JMJD1C: variants seen among roughly 807,000 people sequenced by gnomAD.
JMJD1C encodes the protein jumonji domain containing 1C, also known as jumonji domain-containing protein 1C.
Under a neutral mutation model 245.3 loss-of-function variants are expected in JMJD1C, and 31 were observed. The observed-to-expected ratio is 0.13, with a 90% CI of 0.09 to 0.17. The LOEUF is 0.17. Ranked by LOEUF, JMJD1C falls within the 10% of genes least tolerant of loss-of-function variation. The pLI is 1.00. For synonymous variants in JMJD1C, 1,057 were observed against 1,017.4 expected (o/e 1.04, Z -0.74); for missense variants, 2,691 against 3,000.2 (o/e 0.90, Z 2.41).
chr10:63,338,301 A>T (rs1943035512), intron 2 of JMJD1C, among the ~76,000 whole-genome samples: 1 of 151,988 alleles, frequency 6.6e-6, no homozygotes, highest in Admixed American at 6.6e-5. Flanking sequence ...TGCCCAGCTT[A>T]TTTAAAAAAT....
At chr10:63,449,835 G>A (rs1419411843) in intron 1 of JMJD1C, among the ~76,000 whole-genome samples, 1 of 152,054 alleles carries the variant, frequency 6.6e-6, no homozygotes, top group Non-Finnish European at 1.5e-5. Context: ...GCAAAGTTAG[G>A]CCAGGTGTGA....
intron 18 of JMJD1C, among the ~76,000 whole-genome samples, chr10:63,188,073 C>A (rs763575083): frequency 4.6e-5 from 7 of 152,152 alleles, no homozygotes; most frequent in Non-Finnish European, 1.0e-4. Context: ...CTTCACTTAA[C>A]CTCTAAGGAA....
At chr10:63,240,382 A>C (rs757060125) in intron 3 of JMJD1C, among the ~76,000 whole-genome samples, 4 of 152,250 alleles carry the variant, frequency 2.6e-5, no homozygotes, top group African/African-American at 4.8e-5. Context: ...GTATCAGAGT[A>C]GCAACAGGAA....
At chr10:63,401,734 G>GT (rs1948869380) in intron 1 of JMJD1C, among the ~76,000 whole-genome samples, 1 of 152,042 alleles carries the variant, frequency 6.6e-6, no homozygotes, top group South Asian at 2.1e-4. Context: ...ACTAAAATTC[G>GT]TATGTGGAAA....
intron 2 of JMJD1C, among the ~76,000 whole-genome samples, chr10:63,379,515 T>A (rs976054080): frequency 3.3e-5 from 5 of 152,220 alleles, no homozygotes; most frequent in African/African-American, 1.2e-4. Flanking sequence ...ATGAAACATG[T>A]CCTGATAAGT....
Position 63,313,571 on chromosome 10 carries a change from T to A in JMJD1C, c.334-48807A>T, listed in dbSNP as rs552954891. ...TACATTCCCACCAGCGGTGTAAGAA[T>A]GTTCCCTTTCCATCACATCTGCACC... On this transcript the variant is annotated intron_variant, in intron 2 of 25. Coordinates refer to ENST00000399262, the MANE Select transcript of JMJD1C (RefSeq NM_032776.3). Among the ~76,000 whole-genome samples the A allele has an allele frequency of 2.0e-5, 3 of 152,356 alleles. No individual in the cohort carries two copies. The South Asian group carries it at 6.2e-4, about 32-fold the overall frequency.
chr10:63,328,357 G>C (rs1392379836), intron 2 of JMJD1C, among the ~76,000 whole-genome samples: 1 of 152,024 alleles, frequency 6.6e-6, no homozygotes. Context: ...AATTTGAGAG[G>C]ATTAGGGGAA....
rs979491644 is a variant in JMJD1C at position 63,234,512 on chromosome 10, A to G, written c.448-14529T>C. 8.7e-5 allele frequency among the ~76,000 whole-genome samples: 13 copies of G among 149,972 alleles called. 1 individual carries two copies. The highest frequency in any genetic ancestry group is 4.4e-5 in the Non-Finnish European group (3 of 67,544). On this transcript the variant is annotated intron_variant, in intron 3 of 25. Transcript: ENST00000399262. ...TCCTCTTAAAAAAAAAAAAAAAAAA[A>G]AAAAAAAAACACCAAAAACAAAAAC...
chr10:63,196,007 C>A (rs148821160), intron 13 of JMJD1C, among the ~76,000 whole-genome samples: 1 of 151,954 alleles, frequency 6.6e-6, no homozygotes, highest in Admixed American at 6.6e-5. Flanking sequence ...GCAGGCTGGG[C>A]GTGGTGGCTC....
At chr10:63,184,871 A>AAGTGAT (rs778161382) in intron 20 of JMJD1C, 133 bp from the exon 21 acceptor site, 56 of 765,912 alleles carry the variant, frequency 7.3e-5, no homozygotes, top group Non-Finnish European at 1.1e-4. Flanking sequence ...TCCTTGACTC[A>AAGTGAT]AGTGATACTG....
chr10:63,265,432 T>C (rs1001720171), intron 2 of JMJD1C, among the ~76,000 whole-genome samples: 3 of 152,106 alleles, frequency 2.0e-5, no homozygotes, highest in Non-Finnish European at 4.4e-5. Flanking sequence ...CCAAGGTCAT[T>C]TGATTCCTTT....
chr10:63,431,954 G>A (rs1950782934), intron 1 of JMJD1C, among the ~76,000 whole-genome samples: 2 of 152,204 alleles, frequency 1.3e-5, no homozygotes, highest in Middle Eastern at 3.2e-3. Flanking sequence ...AGGGGTTGCG[G>A]TGAGCCAAGA....
intron 2 of JMJD1C, among the ~76,000 whole-genome samples, chr10:63,354,714 T>A (rs1944666644): frequency 1.3e-5 from 2 of 151,938 alleles, no homozygotes; most frequent in African/African-American, 4.8e-5. Context: ...TTAATATATC[T>A]GAATTAAAAA....
intron 13 of JMJD1C, 59 bp from the exon 14 acceptor site, chr10:63,194,434 T>TTATAAATTGATAAAATC (rs1424033749): frequency 5.3e-6 from 6 of 1,122,730 alleles, no homozygotes; most frequent in Non-Finnish European, 8.1e-6. Context: ...AAATTGATAG[T>TTATAAATTGATAAAATC]GTAAAGAACT....
intron 1 of JMJD1C, among the ~76,000 whole-genome samples, chr10:63,436,053 C>T (rs1202370501): frequency 6.6e-6 from 1 of 152,088 alleles, no homozygotes; most frequent in Non-Finnish European, 1.5e-5. Flanking sequence ...AACAACAGTG[C>T]ATTGGAAGGC....
intron 2 of JMJD1C, among the ~76,000 whole-genome samples, chr10:63,339,758 T>A (rs990096727): frequency 6.6e-6 from 1 of 152,246 alleles, no homozygotes; most frequent in African/African-American, 2.4e-5. Context: ...AAACCACGTC[T>A]CTACTAAAAA....
intron 2 of JMJD1C, among the ~76,000 whole-genome samples, chr10:63,309,678 G>T (rs1438098382): frequency 6.6e-6 from 1 of 151,884 alleles, no homozygotes; most frequent in Non-Finnish European, 1.5e-5. Flanking sequence ...CAGCACTTTG[G>T]GAGGCCAAGG....
chr10:63,265,567 C>G (rs967738134), intron 2 of JMJD1C, among the ~76,000 whole-genome samples: 3 of 152,128 alleles, frequency 2.0e-5, no homozygotes, highest in African/African-American at 4.8e-5. Flanking sequence ...GACTATCACA[C>G]TCACTTTCAA....
chr10:63,495,496 G>T (rs188281929), intron 1 of JMJD1C, among the ~76,000 whole-genome samples: 1 of 152,146 alleles, frequency 6.6e-6, no homozygotes, highest in Admixed American at 6.6e-5. Flanking sequence ...GATAGGCTGC[G>T]AGTGGTGGCT....
Sources: allele counts gnomAD v4.1 joint callset (sites outside exome capture counted in the v4.1 genomes callset), GRCh38; gene constraint gnomAD v4.1.1; transcripts MANE v1.5; gene names NCBI Gene and HGNC (gene_info 2026-07-23, HGNC 2026-07-21).